FGF13: variants seen among roughly 807,000 people sequenced by gnomAD.
FGF13 encodes fibroblast growth factor homologous factor 2.
Under a neutral mutation model 19.5 loss-of-function variants are expected in FGF13, and 2 were observed. The observed-to-expected ratio is 0.10, with a 90% CI of 0.04 to 0.32. The LOEUF is 0.32. Ranked by LOEUF, FGF13 falls within the 10% of genes least tolerant of loss-of-function variation. The probability of loss-of-function intolerance (pLI) is 1.00; values close to 1 mark genes in which losing one functional copy is unlikely to be tolerated. For missense variants in FGF13, 113 were observed against 192.7 expected, an observed-to-expected ratio of 0.59 and a Z score of 2.45; for synonymous variants, 72 against 76.9, an observed-to-expected ratio of 0.94 and a Z score of 0.33.
chrX:138,669,175 G>C (rs1178882835), intron 3 of FGF13, among the ~76,000 whole-genome samples: 1 of 110,726 alleles, frequency 9.0e-6, no homozygotes, highest in African/African-American at 3.3e-5. Flanking sequence ...CCAGGAGGTA[G>C]TGAAGGTACA....
chrX:138,737,297 T>C (rs951877529), intron 1 of FGF13, among the ~76,000 whole-genome samples: 10 of 112,025 alleles, frequency 8.9e-5, no homozygotes, highest in African/African-American at 2.9e-4. Flanking sequence ...AGATAAACCA[T>C]GTGACCTTTC....
At chrX:138,910,576 A>T (rs1250996435) in intron 1 of FGF13, among the ~76,000 whole-genome samples, 1 of 112,279 alleles carries the variant, frequency 8.9e-6, no homozygotes, top group African/African-American at 3.2e-5. Context: ...GAACATTCCA[A>T]TCTTGGCTAG....
At chrX:139,003,981 G>A (rs969481744) in intron 1 of FGF13, among the ~76,000 whole-genome samples, 28 of 112,488 alleles carry the variant, frequency 2.5e-4, no homozygotes, top group Non-Finnish European at 4.1e-4. Flanking sequence ...ATCCTGCACC[G>A]GGGCTGCAGG....
intron 3 of FGF13, among the ~76,000 whole-genome samples, chrX:138,768,684 TTATATA>T: frequency 9.9e-6 from 1 of 100,825 alleles, no homozygotes; most frequent in East Asian, 3.0e-4. Flanking sequence ...TATATCATAC[TTATATA>T]TAAGTATATA....
rs140964045 is a variant in FGF13 at position 139,021,387 on chromosome X, G to A, written c.-112-156737C>T. Among the ~76,000 whole-genome samples, 1,036 of 110,842 alleles carry A rather than the reference G, an allele frequency of 9.3e-3. 10 individuals carry two copies. Among genetic ancestry groups the A allele is most frequent in the African/African-American group, 0.032 (964 of 30,570 alleles). The stretch of plus-strand genomic sequence containing the variant: ...AAAATATTAATAAAGTAGCACTACA[G>A]TCTAAAAATAAGTGACACAAAATGG... On this transcript the variant is annotated intron_variant, in intron 1 of 2. Transcript: ENST00000421460.
chrX:138,780,314 C>A (rs544887850), intron 3 of FGF13, among the ~76,000 whole-genome samples: 8 of 99,884 alleles, frequency 8.0e-5, no homozygotes, highest in Admixed American at 1.1e-4. Context: ...ACACATAACA[C>A]TATTAACTTT....
At chrX:138,681,126 A>C (rs1361132110) in intron 3 of FGF13, among the ~76,000 whole-genome samples, 6 of 104,189 alleles carry the variant, frequency 5.8e-5, no homozygotes, top group Non-Finnish European at 9.8e-5. Context: ...GCGAGCCAAT[A>C]TTATGCCACT....
At chrX:139,003,657 C>T (rs753555352) in intron 1 of FGF13, among the ~76,000 whole-genome samples, 2 of 110,688 alleles carry the variant, frequency 1.8e-5, no homozygotes, top group East Asian at 2.9e-4. Flanking sequence ...CAAGGCCTCA[C>T]CAGAGCAGCT....
At chrX:138,925,186 G>A (rs1218936256) in intron 1 of FGF13, among the ~76,000 whole-genome samples, 1 of 111,733 alleles carries the variant, frequency 8.9e-6, no homozygotes, top group Non-Finnish European at 1.9e-5. Flanking sequence ...TTGTCTCTCG[G>A]CAAAGCAGAT....
intron 1 of FGF13, among the ~76,000 whole-genome samples, chrX:139,065,988 C>T (rs1338406633): frequency 8.9e-6 from 1 of 111,758 alleles, no homozygotes; most frequent in Admixed American, 9.5e-5. Flanking sequence ...GACAACAGTG[C>T]AATCAAATTA....
chrX:139,047,034 C>A (rs138171037), intron 1 of FGF13, among the ~76,000 whole-genome samples: 1,442 of 112,195 alleles, frequency 0.013, 36 homozygotes, highest in African/African-American at 0.045. Flanking sequence ...CTGGTTCAAT[C>A]ATTCAAGCCT....
At chrX:139,102,036 A>G (rs1411553897) in intron 1 of FGF13, among the ~76,000 whole-genome samples, 1 of 112,052 alleles carries the variant, frequency 8.9e-6, no homozygotes, top group Non-Finnish European at 1.9e-5. Context: ...GACTTTTTTC[A>G]AAATTTCTAT....
chrX:139,117,516 T>C (rs867827595), intron 1 of FGF13, among the ~76,000 whole-genome samples: 7 of 111,625 alleles, frequency 6.3e-5, no homozygotes, highest in African/African-American at 2.3e-4. Flanking sequence ...AAAATTTCAC[T>C]TAAAGGGTCC....
intron 1 of FGF13, among the ~76,000 whole-genome samples, chrX:138,988,291 T>C (rs956327313): frequency 8.9e-6 from 1 of 112,467 alleles, no homozygotes; most frequent in Non-Finnish European, 1.9e-5. Flanking sequence ...AGCAAATGCA[T>C]TTGGCACTTA....
chrX:139,074,171 T>G (rs1170414384), intron 1 of FGF13, among the ~76,000 whole-genome samples: 1 of 112,245 alleles, frequency 8.9e-6, no homozygotes, highest in Non-Finnish European at 1.9e-5. Flanking sequence ...CAGTGTTCTT[T>G]TATTCATTTG....
At chrX:138,765,825 C>T (rs1383994345) in intron 3 of FGF13, among the ~76,000 whole-genome samples, 1 of 111,537 alleles carries the variant, frequency 9.0e-6, no homozygotes, top group Non-Finnish European at 1.9e-5. Flanking sequence ...GTGTGCAACT[C>T]TTCCTCTCTC....
chrX:138,762,719 G>A (rs370082043), intron 3 of FGF13, among the ~76,000 whole-genome samples: 2 of 111,703 alleles, frequency 1.8e-5, no homozygotes, highest in African/African-American at 6.5e-5. Context: ...TGTAAAATGG[G>A]AATAATAGTA....
chrX:139,048,119 T>C (rs749689429), intron 1 of FGF13, among the ~76,000 whole-genome samples: 3 of 111,790 alleles, frequency 2.7e-5, no homozygotes, highest in Admixed American at 1.9e-4. Flanking sequence ...TTCTAATACT[T>C]CAGTAGTTCT....
chrX:138,620,470 TTAAAA>T lies in FGF13; in HGVS notation c.*12375_*12379del, dbSNP rs1307849162. 9.1e-6 allele frequency: 1 copy of T among 109,593 alleles called. No homozygotes were observed. Among genetic ancestry groups the T allele is most frequent in the Non-Finnish European group, 1.9e-5 (1 of 52,638 alleles). The allele number at this position is 109,593 out of a possible 1,213,427, so 9.0% of individuals were successfully genotyped here. On this transcript the variant is annotated 3_prime_UTR_variant, in exon 5 of 5. Coordinates refer to ENST00000315930, the MANE Select transcript of FGF13 (RefSeq NM_004114.5). ...ATATCCTGCACATGTACCCTGGAAC[TTAAAA>T]TAAAAATAAAAATTATTAAAAAAAA...
Sources: gnomAD v4.1 joint callset for allele counts (sites outside exome capture counted in the v4.1 genomes callset) on GRCh38, gnomAD v4.1.1 for gene constraint, MANE v1.5 for transcripts, NCBI Gene and HGNC (gene_info 2026-07-23, HGNC 2026-07-21) for gene names.